The following PSG8 variants were observed in gnomAD, a reference collection of about 807,000 sequenced individuals.
PSG8 encodes pregnancy-specific beta-1-glycoprotein 8.
PSG8 carries 57 observed loss-of-function variants against 42.5 expected under a neutral mutation model. The observed-to-expected ratio is 1.34, with a 90% confidence interval of 1.08 to 1.67. The LOEUF (loss-of-function observed/expected upper bound fraction) is 1.67, where lower values mean the gene tolerates loss of function less well. Ranked by LOEUF, PSG8 falls within the 40% of genes most tolerant of loss-of-function variation. PSG8 has a pLI of 0.00. For synonymous variants in PSG8, 280 were observed against 196.8 expected (o/e 1.42, Z -3.54); for missense variants, 783 against 518.6 (o/e 1.51, Z -4.95).
At position 42,758,015 on chromosome 19, in the gene PSG8, G is replaced by A. The variant is rs754264222; in HGVS notation, c.696C>T (p.Thr232=). 1.2e-6 allele frequency: 2 copies of A among 1,613,890 alleles called. No individual in the cohort carries two copies. Among genetic ancestry groups the A allele is most frequent in the Admixed American group, 1.7e-5 (1 of 59,982 alleles). Residue 232 remains threonine (T), a synonymous_variant, in exon 3 of 5, where the codon ACC becomes ACT. Transcript: ENST00000306511. The stretch of plus-strand genomic sequence containing the variant: ...GAAAATACTCACGGAGGAGATTCAG[G>A]GTGAATGGGTCACTGCGGCTGGCAC... ...PVSASRSDPF[T]LNLLPKLPKP... is the part of the protein sequence containing the mutation.
chr19:42,764,400 A>T, intron 1 of PSG8, 119 bp from the exon 2 acceptor site: 3 of 1,456,840 alleles, frequency 2.1e-6, no homozygotes, highest in Non-Finnish European at 2.8e-6. Flanking sequence ...AGACACACAC[A>T]CATACAAACA....
At chr19:42,764,399 CACAT>C in intron 1 of PSG8, 118 bp from the exon 2 acceptor site, 2 of 1,455,878 alleles carry the variant, frequency 1.4e-6, no homozygotes, top group East Asian at 2.3e-5. Flanking sequence ...CAGACACACA[CACAT>C]ACAAACACAC....
rs770908424 is a variant in PSG8, at chr19:42,754,584, C to A, written c.992G>T (p.Gly331Val). 1.2e-6 allele frequency: 2 copies of A among 1,610,782 alleles called. No individual in the cohort carries two copies. Among genetic ancestry groups the A allele is most frequent in the East Asian group, 2.2e-5 (1 of 44,820 alleles). ...AGGGTAAATTCTGGGGAGGTCTGGA[C>A]CATCTGGAGCAAAGAGAATAAAGCC... ...SYPVTLNVLY[G>V]PDLPRIYPSF... Residue 331 changes from glycine (G) to valine (V), a missense_variant, in exon 5 of 5, where the codon GGT becomes GTT. Gly to Val is a moderately radical substitution (Grantham distance 109). Transcript: ENST00000306511.
In PSG8 at chr19:42,765,644, G is replaced by A. The variant is rs987012529; in HGVS notation, c.-63C>T. ...AGCCTAGGATCCAGAAGCTTCCTGAGCACAGCTCTCAGCAGTGCTGTCCTG... is the reference window on the plus strand; with the variant it reads ...AGCCTAGGATCCAGAAGCTTCCTGAACACAGCTCTCAGCAGTGCTGTCCTG... On this transcript the variant is annotated 5_prime_UTR_variant, in exon 1 of 5. Coordinates refer to ENST00000306511, the MANE Select transcript of PSG8 (RefSeq NM_182707.3). The A allele has an allele frequency of 1.4e-5, 22 of 1,589,404 alleles. No individual in the cohort carries two copies. The highest frequency in any genetic ancestry group is 1.9e-5 in the Non-Finnish European group (22 of 1,163,086).
Position 42,754,466 on chromosome 19 carries a change from C to T in PSG8, c.1110G>A (p.Gly370=), listed in dbSNP as rs762706287. ...GCTTTTGTCCTGATAGCTGAAACTT[C>T]CCATTAATTGTCCAAGAATACTGTG... ...PPAQYSWTIN[G]KFQLSGQKLF... Residue 370 remains glycine, a synonymous_variant, in exon 5 of 5, where the codon GGG becomes GGA. Coordinates refer to ENST00000306511, the MANE Select transcript of PSG8 (RefSeq NM_182707.3). The T allele has an allele frequency of 6.8e-6, 11 of 1,613,792 alleles. No individual in the cohort carries two copies. The highest frequency in any genetic ancestry group is 5.3e-5 in the African/African-American group (4 of 74,882).
At chr19:42,753,074 G>T (rs1969821231), downstream of PSG8, 2 of 602,850 alleles carry the variant, frequency 3.3e-6, no homozygotes, top group African/African-American at 1.8e-5. Context: ...CAGTTAAGAG[G>T]GGTGAGAGCC....
chr19:42,758,071 G>A lies in PSG8; in HGVS notation c.640C>T (p.Pro214Ser). ...LLGVTKYTAGPYECEIRNPVS... is the reference protein window; with the variant it reads ...LLGVTKYTAGSYECEIRNPVS... ...GGGTTCCGTATTTCACATTCATAGG[G>A]TCCTGCAGTGTACTTTGTGACACCC... The change falls in exon 3 of 5, where the codon CCC (proline) becomes TCC (serine). Residue 214 changes from proline (P) to serine (S), a missense_variant. Transcript: ENST00000306511. 1 of 1,614,024 alleles carries A rather than the reference G, an allele frequency of 6.2e-7. No individual in the cohort carries two copies. The highest frequency in any genetic ancestry group is 2.2e-5 in the East Asian group (1 of 44,878).
At chr19:42,760,581 T>A (rs1600416289) in intron 2 of PSG8, among the ~76,000 whole-genome samples, 2 of 152,148 alleles carry the variant, frequency 1.3e-5, no homozygotes, top group East Asian at 1.9e-4. Flanking sequence ...TTCATTTCTC[T>A]AACAGCATTT....
At chr19:42,764,390 A>G in intron 1 of PSG8, 109 bp from the exon 2 acceptor site, 5 of 1,486,124 alleles carry the variant, frequency 3.4e-6, no homozygotes, top group African/African-American at 1.4e-5. Context: ...TTGAAGACAC[A>G]GACACACACA....
Sources: allele counts gnomAD v4.1 joint callset (sites outside exome capture counted in the v4.1 genomes callset), GRCh38; gene constraint gnomAD v4.1.1; transcripts MANE v1.5; gene names NCBI Gene and HGNC (gene_info 2026-07-23, HGNC 2026-07-21).